Variants in SCRN3 observed in about 807,000 individuals in gnomAD.
The protein encoded by SCRN3 is secernin-3.
A neutral mutation model predicts 43.1 loss-of-function variants in SCRN3; 39 were observed. The observed-to-expected ratio is 0.91, with a 90% CI of 0.70 to 1.18. SCRN3 has a LOEUF of 1.18. Among genes scored for constraint, SCRN3 ranks in the 50% most tolerant of loss-of-function variants. The probability of loss-of-function intolerance (pLI) is 0.00; values close to 1 mark genes in which losing one functional copy is unlikely to be tolerated. For missense variants in SCRN3, 484 were observed against 498.0 expected, an observed-to-expected ratio of 0.97 and a Z score of 0.27; for synonymous variants, 147 against 163.1, an observed-to-expected ratio of 0.90 and a Z score of 0.75.
chr2:174,402,305 G>A (rs1054727072), intron 4 of SCRN3, among the ~76,000 whole-genome samples: 1 of 152,180 alleles, frequency 6.6e-6, no homozygotes, highest in Non-Finnish European at 1.5e-5. Context: ...TTGTCTAGCT[G>A]TAGATTAATT....
intron 7 of SCRN3, 95 bp downstream of exon 7, chr2:174,424,744 A>C: frequency 1.1e-6 from 1 of 914,594 alleles, no homozygotes; most frequent in Non-Finnish European, 1.6e-6. Flanking sequence ...CTCCCTTCTT[A>C]TAAGAAATAG....
intron 5 of SCRN3, among the ~76,000 whole-genome samples, chr2:174,409,308 A>G (rs1374028168): frequency 1.4e-5 from 2 of 142,924 alleles, no homozygotes; most frequent in African/African-American, 2.5e-5. Context: ...TTTCAGCTCC[A>G]TCAGCTCCTT....
intron 1 of SCRN3, 62 bp downstream of exon 1, chr2:174,395,879 T>A (rs955981819): frequency 1.2e-5 from 17 of 1,449,092 alleles, no homozygotes; most frequent in African/African-American, 2.9e-5. Flanking sequence ...AAGACCCAAC[T>A]GTGGCGCGGC....
chr2:174,406,136 A>G (rs1360169384), intron 5 of SCRN3, among the ~76,000 whole-genome samples: 2 of 137,438 alleles, frequency 1.5e-5, no homozygotes, highest in Non-Finnish European at 3.3e-5. Flanking sequence ...TATTTCTTTG[A>G]GCAGTGGTTT....
At chr2:174,418,573 A>G (rs565362095) in intron 5 of SCRN3, among the ~76,000 whole-genome samples, 19 of 152,350 alleles carry the variant, frequency 1.2e-4, no homozygotes, top group African/African-American at 2.9e-4. Context: ...ACTTATGGCT[A>G]TCCCACTCAA....
At chr2:174,396,908 A>G (rs1483383131) in intron 1 of SCRN3, 1 of 176,780 alleles carries the variant, frequency 5.7e-6, no homozygotes, top group Non-Finnish European at 1.1e-5. Flanking sequence ...GCACTGTGCA[A>G]AACACTTTAC....
At chr2:174,405,882 C>A (rs1685676966) in intron 5 of SCRN3, among the ~76,000 whole-genome samples, 1 of 148,204 alleles carries the variant, frequency 6.7e-6, no homozygotes, top group Non-Finnish European at 1.5e-5. Context: ...AGTTTGAAGT[C>A]AGGTAGTGTG....
intron 2 of SCRN3, among the ~76,000 whole-genome samples, chr2:174,398,663 A>T (rs1405358705): frequency 6.6e-6 from 1 of 152,220 alleles, no homozygotes; most frequent in Non-Finnish European, 1.5e-5. Flanking sequence ...AAATATTTGA[A>T]TGCTTTCCAT....
intron 5 of SCRN3, among the ~76,000 whole-genome samples, chr2:174,414,811 T>G (rs1316109611): frequency 6.7e-6 from 1 of 149,390 alleles, no homozygotes; most frequent in Non-Finnish European, 1.5e-5. Flanking sequence ...TCCCCCAGGC[T>G]GGAATGCAGT....
At chr2:174,400,211 C>A in intron 3 of SCRN3, 108 bp downstream of exon 3, 1 of 770,244 alleles carries the variant, frequency 1.3e-6, no homozygotes, top group Non-Finnish European at 2.0e-6. Context: ...TGATACTTTG[C>A]AGTTTGTGTC....
chr2:174,404,025 G>T, intron 4 of SCRN3, 78 bp from the exon 5 acceptor site: 1 of 1,087,772 alleles, frequency 9.2e-7, no homozygotes, highest in Non-Finnish European at 1.4e-6. Context: ...TAGTGATTAG[G>T]AATCATGATA....
At chr2:174,419,696 TTTG>T (rs1185806030) in intron 5 of SCRN3, among the ~76,000 whole-genome samples, 1 of 152,130 alleles carries the variant, frequency 6.6e-6, no homozygotes, top group South Asian at 2.1e-4. Flanking sequence ...GCCTGTGTTT[TTTG>T]TTGTTGTTGT....
intron 5 of SCRN3, among the ~76,000 whole-genome samples, chr2:174,419,602 A>C (rs1447727421): frequency 6.9e-6 from 1 of 144,684 alleles, no homozygotes; most frequent in Non-Finnish European, 1.6e-5. Context: ...GCTGGTCTCA[A>C]ACTCCTGGGC....
At chr2:174,415,366 A>AT (rs914183300) in intron 5 of SCRN3, among the ~76,000 whole-genome samples, 6 of 152,012 alleles carry the variant, frequency 3.9e-5, no homozygotes, top group African/African-American at 1.4e-4. Flanking sequence ...CAATTTTAAT[A>AT]TTTTTTTTAG....
intron 1 of SCRN3, chr2:174,396,388 C>T (rs1267007804): frequency 2.2e-6 from 2 of 923,994 alleles, no homozygotes; most frequent in Non-Finnish European, 2.6e-6. Context: ...CCCAGTTAGG[C>T]AGCTCAGGTT....
chr2:174,422,163 T>C (rs1240412091), intron 5 of SCRN3, among the ~76,000 whole-genome samples: 1 of 152,180 alleles, frequency 6.6e-6, no homozygotes, highest in African/African-American at 2.4e-5. Flanking sequence ...CAGTGGCTCA[T>C]TTCTGTAATC....
At position 174,428,056 on chromosome 2, in the gene SCRN3, G is replaced by A. The variant is rs1686552091; in HGVS notation, c.*161G>A. On this transcript the variant is annotated 3_prime_UTR_variant, in exon 8 of 8. Coordinates refer to ENST00000272732, the MANE Select transcript of SCRN3 (RefSeq NM_024583.5). ...TATCTTGACTATTAAACTACGTATA[G>A]TGTTGCTGAAATAGAAAGAAAACAG... 1 of 435,750 alleles carries A rather than the reference G, an allele frequency of 2.3e-6. No homozygotes were observed. Among genetic ancestry groups the A allele is most frequent in the Non-Finnish European group, 4.1e-6 (1 of 242,402 alleles). The allele number at this position is 435,750 out of a possible 1,614,324, so 27.0% of individuals were successfully genotyped here.
At chr2:174,401,836 T>C (rs1685518007) in intron 4 of SCRN3, among the ~76,000 whole-genome samples, 1 of 152,228 alleles carries the variant, frequency 6.6e-6, no homozygotes, top group Non-Finnish European at 1.5e-5. Flanking sequence ...TAGCCTTATG[T>C]TTAAGCATAA....
chr2:174,396,230 C>A, intron 1 of SCRN3: 1 of 925,126 alleles, frequency 1.1e-6, no homozygotes, highest in Non-Finnish European at 1.3e-6. Context: ...CCCAGCTGTA[C>A]GGTACTGGCG....
Sources: gnomAD v4.1 joint callset for allele counts (sites outside exome capture counted in the v4.1 genomes callset) on GRCh38, gnomAD v4.1.1 for gene constraint, MANE v1.5 for transcripts, NCBI Gene and HGNC (gene_info 2026-07-23, HGNC 2026-07-21) for gene names.